PLB1: variants seen among roughly 807,000 people sequenced by gnomAD.
The protein encoded by PLB1 is phospholipase B1, membrane-associated.
Under a neutral mutation model 227.4 loss-of-function variants are expected in PLB1, and 242 were observed. The observed-to-expected ratio is 1.06, with a 90% CI of 0.96 to 1.18. The LOEUF is 1.18. Among genes scored for constraint, PLB1 ranks in the 50% most tolerant of loss-of-function variants. The probability of loss-of-function intolerance (pLI) is 0.00; values close to 1 mark genes in which losing one functional copy is unlikely to be tolerated. For missense variants in PLB1, 1,858 were observed against 1,816.3 expected, an observed-to-expected ratio of 1.02 and a Z score of -0.42; for synonymous variants, 757 against 682.2, an observed-to-expected ratio of 1.11 and a Z score of -1.71.
chr2:28,636,019 A>ATGTGTGTGTATGTGTGTGTGTG, intron 56 of PLB1, among the ~76,000 whole-genome samples: 1 of 98,370 alleles, frequency 1.0e-5, no homozygotes, highest in East Asian at 2.9e-4. Flanking sequence ...GTATGTATGA[A>ATGTGTGTGTATGTGTGTGTGTG]TGTGTGTGTA....
intron 6 of PLB1, 105 bp downstream of exon 6, chr2:28,526,050 C>A: frequency 7.9e-7 from 1 of 1,258,734 alleles, no homozygotes; most frequent in South Asian, 1.3e-5. Flanking sequence ...CACTTTATCA[C>A]TGGAGCCCAG....
intron 25 of PLB1, among the ~76,000 whole-genome samples, chr2:28,585,277 T>C (rs1393459610): frequency 6.7e-6 from 1 of 149,342 alleles, no homozygotes; most frequent in African/African-American, 2.4e-5. Context: ...GAATTTTTCT[T>C]TTTTTTTTTT....
chr2:28,593,645 G>GCTAATTTTC, intron 32 of PLB1, 36 bp from the exon 33 acceptor site: 1 of 1,591,996 alleles, frequency 6.3e-7, no homozygotes, highest in Non-Finnish European at 8.6e-7. Flanking sequence ...TCTCTGACTT[G>GCTAATTTTC]CTAATTTTCC....
At chr2:28,608,974 G>C (rs1685072158) in intron 43 of PLB1, among the ~76,000 whole-genome samples, 1 of 152,110 alleles carries the variant, frequency 6.6e-6, no homozygotes. Flanking sequence ...GAAGTGCAGT[G>C]GCGCAATCAC....
intron 17 of PLB1, among the ~76,000 whole-genome samples, chr2:28,557,751 A>G (rs1040883828): frequency 6.6e-5 from 10 of 152,218 alleles, no homozygotes; most frequent in African/African-American, 9.6e-5. Flanking sequence ...TAATCAGCCC[A>G]CACAAATTTA....
chr2:28,591,817 G>C, intron 31 of PLB1, 57 bp downstream of exon 31: 1 of 1,534,382 alleles, frequency 6.5e-7, no homozygotes, highest in South Asian at 1.1e-5. Flanking sequence ...CTGCTATGCT[G>C]GTGAGTCCTC....
At chr2:28,519,284 A>G (rs943193467) in intron 3 of PLB1, among the ~76,000 whole-genome samples, 2 of 152,198 alleles carry the variant, frequency 1.3e-5, no homozygotes, top group Admixed American at 6.5e-5. Context: ...TTCTCTGGCA[A>G]TCTTCAAGCT....
chr2:28,496,287 C>A, intron 1 of PLB1, 118 bp downstream of exon 1: 2 of 1,031,152 alleles, frequency 1.9e-6, no homozygotes, highest in Non-Finnish European at 2.8e-6. Flanking sequence ...AAGCACAAAG[C>A]GTACAGTTCA....
chr2:28,525,419 T>G, intron 5 of PLB1, 112 bp downstream of exon 5: 5 of 1,178,110 alleles, frequency 4.2e-6, no homozygotes, highest in Non-Finnish European at 6.1e-6. Context: ...AGTGCCTTGC[T>G]CAAGGCTACC....
chr2:28,632,941 C>T lies in PLB1; in HGVS notation c.4003-3C>T. On this transcript the variant is annotated splice_region_variant and splice_polypyrimidine_tract_variant and intron_variant, in intron 55 of 57. Coordinates refer to ENST00000327757, the MANE Select transcript of PLB1 (RefSeq NM_153021.5). Reference sequence around the variant, plus strand: ...ATGATAACCTCCTTGCCGTTGGTTGCAGAGAGGGGACACTGACCTCACCTT... The same window carrying T: ...ATGATAACCTCCTTGCCGTTGGTTGTAGAGAGGGGACACTGACCTCACCTT... 1 of 1,604,248 alleles carries T rather than the reference C, an allele frequency of 6.2e-7. No homozygotes were observed. Among genetic ancestry groups the T allele is most frequent in the Non-Finnish European group, 8.5e-7 (1 of 1,179,190 alleles).
At chr2:28,617,856 G>A (rs1686419553) in intron 45 of PLB1, 69 bp downstream of exon 45, 2 of 1,441,338 alleles carry the variant, frequency 1.4e-6, no homozygotes, top group South Asian at 1.1e-5. Context: ...GGGAGACCCT[G>A]CAAACATACC....
At chr2:28,538,435 A>C in intron 10 of PLB1, 54 bp downstream of exon 10, 5 of 1,530,916 alleles carry the variant, frequency 3.3e-6, no homozygotes, top group African/African-American at 1.4e-5. Flanking sequence ...ATTTACCCTC[A>C]TGTGGCCTCC....
rs373553030 is a variant in PLB1 at position 28,634,756 on chromosome 2, A to C, written c.4098+1717A>C. Among the ~76,000 whole-genome samples, 100 of 152,284 alleles carry C rather than the reference A, an allele frequency of 6.6e-4. No homozygotes were observed. The South Asian group carries it at 0.02, about 30-fold the overall frequency. Reference sequence around the variant, plus strand: ...AGATTCTGTCTCTACAAAAATAATCAAAATATTAGCCAGGTGTGGTGGTGC... The same window carrying C: ...AGATTCTGTCTCTACAAAAATAATCCAAATATTAGCCAGGTGTGGTGGTGC... On this transcript the variant is annotated intron_variant, in intron 56 of 57. Transcript: ENST00000327757.
chr2:28,565,098 C>T (rs1258097674), intron 18 of PLB1, among the ~76,000 whole-genome samples, 182 bp from the exon 19 acceptor site: 1 of 152,156 alleles, frequency 6.6e-6, no homozygotes, highest in Non-Finnish European at 1.5e-5. Flanking sequence ...TCCCAGTGGG[C>T]ACTCTCACTC....
chr2:28,571,477 G>C (rs1233270610), intron 20 of PLB1, among the ~76,000 whole-genome samples: 1 of 152,022 alleles, frequency 6.6e-6, no homozygotes, highest in South Asian at 2.1e-4. Flanking sequence ...GAAATTCAAG[G>C]GACCCAGAAT....
At position 28,539,095 on chromosome 2, in the gene PLB1, C is replaced by G; in HGVS notation, c.619-4C>G. On this transcript the variant is annotated splice_polypyrimidine_tract_variant and splice_region_variant and intron_variant, in intron 10 of 57. Coordinates refer to ENST00000327757, the MANE Select transcript of PLB1 (RefSeq NM_153021.5). ...CTCACCTCCCTCTCTGTGTGTCCTC[C>G]TAGGTCCCCAGAGCATTTGTAAACC... 1 of 1,611,380 alleles carries G rather than the reference C, an allele frequency of 6.2e-7. No homozygotes were observed. Among genetic ancestry groups the G allele is most frequent in the Non-Finnish European group, 8.5e-7 (1 of 1,177,446 alleles).
In PLB1 at chr2:28,626,518, C is replaced by G. The variant is rs1467623336; in HGVS notation, c.3660+10C>G. ...TTACTGTGAGAATCCGGTAGGCCCC[C>G]GACCAACCCCATGGGGACCTGAGAA... On this transcript the variant is annotated intron_variant, in intron 51 of 57. Coordinates refer to ENST00000327757, the MANE Select transcript of PLB1 (RefSeq NM_153021.5). 1 of 1,611,984 alleles carries G rather than the reference C, an allele frequency of 6.2e-7. No homozygotes were observed. The highest frequency in any genetic ancestry group is 1.1e-5 in the South Asian group (1 of 91,050).
intron 9 of PLB1, among the ~76,000 whole-genome samples, chr2:28,536,805 G>T (rs780349216): frequency 1.3e-5 from 2 of 152,170 alleles, no homozygotes; most frequent in African/African-American, 4.8e-5. Flanking sequence ...GAGAAATGGG[G>T]ACAGTTGGTG....
chr2:28,538,644 T>C (rs1263446080), intron 10 of PLB1, among the ~76,000 whole-genome samples: 1 of 152,184 alleles, frequency 6.6e-6, no homozygotes, highest in Non-Finnish European at 1.5e-5. Context: ...CTAAGGCCTC[T>C]CTCTACCTGA....
Sources: allele counts gnomAD v4.1 joint callset (sites outside exome capture counted in the v4.1 genomes callset), GRCh38; gene constraint gnomAD v4.1.1; transcripts MANE v1.5; gene names NCBI Gene and HGNC (gene_info 2026-07-23, HGNC 2026-07-21).